Variants in LRRTM4 observed in about 807,000 individuals in gnomAD.
The protein encoded by LRRTM4 is leucine-rich repeat transmembrane neuronal protein 4.
A neutral mutation model predicts 47.6 loss-of-function variants in LRRTM4; 25 were observed. The observed-to-expected ratio is 0.53, with a 90% CI of 0.38 to 0.73. The LOEUF (loss-of-function observed/expected upper bound fraction) is 0.73. Ranked by LOEUF, LRRTM4 falls within the 30% of genes least tolerant of loss-of-function variation. The pLI is 0.00. For missense variants in LRRTM4, 638 were observed against 713.4 expected, an observed-to-expected ratio of 0.89 and a Z score of 1.20; for synonymous variants, 311 against 269.5, an observed-to-expected ratio of 1.15 and a Z score of -1.51.
At chr2:77,377,924 A>G (rs1402995080) in intron 3 of LRRTM4, among the ~76,000 whole-genome samples, 5 of 152,132 alleles carry the variant, frequency 3.3e-5, no homozygotes, top group Non-Finnish European at 5.9e-5. Context: ...CAACCTATTA[A>G]TCTTTTAAAA....
intron 3 of LRRTM4, among the ~76,000 whole-genome samples, chr2:76,869,005 T>C (rs1672546315): frequency 6.6e-6 from 1 of 152,116 alleles, no homozygotes; most frequent in African/African-American, 2.4e-5. Context: ...TTTTGTGTTT[T>C]AAAAGCTAAT....
chr2:77,036,786 A>G (rs1678852541), intron 3 of LRRTM4, among the ~76,000 whole-genome samples: 1 of 151,722 alleles, frequency 6.6e-6, no homozygotes, highest in Non-Finnish European at 1.5e-5. Flanking sequence ...AGTTTACTCA[A>G]TAGTAGTAAC....
chr2:76,896,495 G>A (rs1052582434), intron 3 of LRRTM4, among the ~76,000 whole-genome samples: 1 of 151,828 alleles, frequency 6.6e-6, no homozygotes, highest in African/African-American at 2.4e-5. Flanking sequence ...AATACATGTG[G>A]CTTATGTCAG....
intron 3 of LRRTM4, among the ~76,000 whole-genome samples, chr2:76,823,777 AAGTC>A (rs1322318426): frequency 6.6e-6 from 1 of 151,552 alleles, no homozygotes; most frequent in East Asian, 1.9e-4. Context: ...CAAAAAATAA[AAGTC>A]AAAGAGCAGA....
chr2:77,472,467 T>C (rs553892073), intron 3 of LRRTM4, among the ~76,000 whole-genome samples: 1 of 152,168 alleles, frequency 6.6e-6, no homozygotes, highest in Admixed American at 6.6e-5. Context: ...TCAGTGTTCA[T>C]GGACACTTAT....
intron 3 of LRRTM4, among the ~76,000 whole-genome samples, chr2:76,750,057 A>G (rs189508872): frequency 6.6e-6 from 1 of 152,216 alleles, no homozygotes; most frequent in Non-Finnish European, 1.5e-5. Context: ...GGCTTTGCCA[A>G]TGGAGGGAGA....
At chr2:76,904,629 G>C (rs146929468) in intron 3 of LRRTM4, among the ~76,000 whole-genome samples, 77 of 152,268 alleles carry the variant, frequency 5.1e-4, no homozygotes, top group African/African-American at 1.9e-3. Flanking sequence ...TAACTGAGCA[G>C]TGAGGAATCT....
chr2:77,357,075 G>A (rs986190934), intron 3 of LRRTM4, among the ~76,000 whole-genome samples: 3 of 151,986 alleles, frequency 2.0e-5, no homozygotes, highest in African/African-American at 4.8e-5. Context: ...ACTTTTCATG[G>A]TTATGAACTC....
chr2:76,981,183 C>A (rs1264525731), intron 3 of LRRTM4, among the ~76,000 whole-genome samples: 1 of 152,110 alleles, frequency 6.6e-6, no homozygotes, highest in African/African-American at 2.4e-5. Flanking sequence ...TATTCATTGA[C>A]TTTGTTTTAG....
intron 3 of LRRTM4, among the ~76,000 whole-genome samples, chr2:77,096,327 T>C (rs2103900271): frequency 6.6e-6 from 1 of 151,792 alleles, no homozygotes; most frequent in African/African-American, 2.4e-5. Flanking sequence ...CATTCAGTTA[T>C]GAGGGTAAAA....
At chr2:76,962,603 GTATTT>G (rs954963638) in intron 3 of LRRTM4, among the ~76,000 whole-genome samples, 1 of 150,374 alleles carries the variant, frequency 6.7e-6, no homozygotes, top group African/African-American at 2.4e-5. Flanking sequence ...ACCCACGTAT[GTATTT>G]ATTTTTAAAA....
intron 3 of LRRTM4, among the ~76,000 whole-genome samples, chr2:77,401,301 A>C (rs1470088524): frequency 2.6e-5 from 4 of 151,952 alleles, no homozygotes; most frequent in African/African-American, 4.8e-5. Flanking sequence ...TTTGAGAATC[A>C]ATGTTATAGA....
intron 3 of LRRTM4, among the ~76,000 whole-genome samples, chr2:77,028,727 A>G (rs541197147): frequency 6.6e-6 from 1 of 151,798 alleles, no homozygotes; most frequent in Non-Finnish European, 1.5e-5. Flanking sequence ...CAGGACAAAA[A>G]CCATAGAATT....
intron 3 of LRRTM4, among the ~76,000 whole-genome samples, chr2:77,351,369 T>C (rs1671764570): frequency 1.3e-5 from 2 of 151,852 alleles, no homozygotes; most frequent in Non-Finnish European, 2.9e-5. Context: ...ACAGCAGCTA[T>C]ATTTGAAGAT....
At chr2:77,060,386 G>T (rs988689170) in intron 3 of LRRTM4, among the ~76,000 whole-genome samples, 1 of 151,972 alleles carries the variant, frequency 6.6e-6, no homozygotes, top group African/African-American at 2.4e-5. Context: ...AAAGAATTCA[G>T]ATTAAATGTC....
chr2:76,780,723 A>G (rs1282355871), intron 3 of LRRTM4, among the ~76,000 whole-genome samples: 1 of 152,112 alleles, frequency 6.6e-6, no homozygotes, highest in Non-Finnish European at 1.5e-5. Context: ...CGTAGCTCAG[A>G]GTAATTTGAT....
chr2:77,426,777 CATA>C (rs1675121949), intron 3 of LRRTM4, among the ~76,000 whole-genome samples: 1 of 151,410 alleles, frequency 6.6e-6, no homozygotes, highest in South Asian at 2.1e-4. Flanking sequence ...TATGTGAGTA[CATA>C]ATATGTACAC....
chr2:77,015,330 T>G (rs1678023211), intron 3 of LRRTM4, among the ~76,000 whole-genome samples: 1 of 152,124 alleles, frequency 6.6e-6, no homozygotes, highest in African/African-American at 2.4e-5. Context: ...TGTACTTTAT[T>G]TATTTATTTA....
rs553857637 is a variant in LRRTM4 at position 76,766,744 on chromosome 2, G to A, written c.1552-17828C>T. Among the ~76,000 whole-genome samples, 3 of 152,276 alleles carry A rather than the reference G, an allele frequency of 2.0e-5. No individual in the cohort carries two copies. The South Asian group carries it at 6.2e-4, about 32-fold the overall frequency. On this transcript the variant is annotated intron_variant, in intron 3 of 3. Coordinates refer to ENST00000409884, the MANE Select transcript of LRRTM4 (RefSeq NM_001134745.3). ...TCAACCTGTGGCAATTTTCCTCCTAGGGAATTTTTAGCAGTGTCTGGAGAC... is the reference window on the plus strand; with the variant it reads ...TCAACCTGTGGCAATTTTCCTCCTAAGGAATTTTTAGCAGTGTCTGGAGAC...
Sources: allele counts gnomAD v4.1 joint callset (sites outside exome capture counted in the v4.1 genomes callset), GRCh38; gene constraint gnomAD v4.1.1; transcripts MANE v1.5; gene names NCBI Gene and HGNC (gene_info 2026-07-23, HGNC 2026-07-21).